The following VANGL2 variants were observed in gnomAD, a reference collection of about 807,000 sequenced individuals.
VANGL2 encodes the protein VANGL planar cell polarity protein 2.
In VANGL2, 14 loss-of-function variants were observed where a neutral mutation model predicts 50.2. The observed-to-expected ratio is 0.28, with a 90% CI of 0.18 to 0.44. VANGL2 has a LOEUF of 0.44. VANGL2 is among the 20% of genes least tolerant of loss of function. The pLI, the probability that VANGL2 is intolerant of heterozygous loss-of-function variation, is 1.00. For missense variants in VANGL2, 533 were observed against 701.5 expected, an observed-to-expected ratio of 0.76 and a Z score of 2.71; for synonymous variants, 295 against 297.2, an observed-to-expected ratio of 0.99 and a Z score of 0.08.
chr1:160,406,599 CT>C (rs1163136504), intron 1 of VANGL2, among the ~76,000 whole-genome samples: 1 of 152,088 alleles, frequency 6.6e-6, no homozygotes, highest in Non-Finnish European at 1.5e-5. Context: ...GAGCCTGGTC[CT>C]TATTGTCTGT....
At chr1:160,406,645 G>A (rs2101947276) in intron 1 of VANGL2, among the ~76,000 whole-genome samples, 1 of 152,180 alleles carries the variant, frequency 6.6e-6, no homozygotes, top group South Asian at 2.1e-4. Context: ...ATGTCCTTCA[G>A]ACTCCTGTTT....
At chr1:160,415,132 T>C (rs1452072115) in intron 1 of VANGL2, among the ~76,000 whole-genome samples, 1 of 151,990 alleles carries the variant, frequency 6.6e-6, no homozygotes, top group African/African-American at 2.4e-5. Flanking sequence ...GCTGGGGAGA[T>C]GGTATCAAGG....
At chr1:160,415,982 G>A (rs1029735497) in intron 2 of VANGL2, 74 bp downstream of exon 2, 2 of 1,614,162 alleles carry the variant, frequency 1.2e-6, no homozygotes, top group Non-Finnish European at 1.7e-6. Context: ...CACGTGCAGG[G>A]GTGGTAGGGT....
At position 160,415,950 on chromosome 1, in the gene VANGL2, T is replaced by C. The variant is rs779377896; in HGVS notation, c.71+42T>C. 5 of 1,612,938 alleles carry C rather than the reference T, an allele frequency of 3.1e-6. No individual in the cohort carries two copies. The South Asian group carries it at 5.5e-5, about 18-fold the overall frequency. Reference sequence around the variant, plus strand: ...GGTGACATGCGTGGCGGAGGGAGGGTTGGGGGCTGTTAAGAGGTGGGCACG... The same window carrying C: ...GGTGACATGCGTGGCGGAGGGAGGGCTGGGGGCTGTTAAGAGGTGGGCACG... On this transcript the variant is annotated intron_variant, in intron 2 of 7. Coordinates refer to ENST00000368061, the MANE Select transcript of VANGL2 (RefSeq NM_020335.3).
At chr1:160,416,217 A>T in intron 3 of VANGL2, 35 bp downstream of exon 3, 1 of 1,613,384 alleles carries the variant, frequency 6.2e-7, no homozygotes, top group Non-Finnish European at 8.5e-7. Context: ...CAGACCGGGC[A>T]TTTTCAGACT....
At position 160,425,429 on chromosome 1, in the gene VANGL2, G is replaced by A; in HGVS notation, c.*51G>A. The A allele has an allele frequency of 3.6e-6, 4 of 1,121,436 alleles. No individual in the cohort carries two copies. The highest frequency in any genetic ancestry group is 1.7e-5 in the South Asian group (1 of 59,488). 69.5% of individuals were successfully genotyped at this position (1,121,436 alleles called of 1,614,324 possible). On this transcript the variant is annotated 3_prime_UTR_variant, in exon 8 of 8. Transcript: ENST00000368061. ...AACTCTGGGGGGTCCTGAGGGGGTG[G>A]GAGGGGGCTTGGTTCTCAGGCCCAG...
At position 160,403,252 on chromosome 1, in the gene VANGL2, C is replaced by T. The variant is rs773431189; in HGVS notation, c.-191+2383C>T. ...TGCATCTAAGATGGTGTGCCCTGGC[C>T]CTCTGGGGTCCCTTGTTTGCTCTGT... is the stretch of plus-strand genomic sequence containing the variant. On this transcript the variant is annotated intron_variant, in intron 1 of 7. Transcript: ENST00000368061. Among the ~76,000 whole-genome samples the T allele has an allele frequency of 2.5e-4, 38 of 151,964 alleles. 1 individual carries two copies. Among genetic ancestry groups the T allele is most frequent in the Admixed American group, 4.6e-4 (7 of 15,268 alleles).
Position 160,415,734 on chromosome 1 carries a change from C to T in VANGL2, c.-104C>T, listed in dbSNP as rs1369349904. ...GTGACAGTTGACTTCCTGAAGGTGCCTCTTGGCCTAAAGAAGCCGGTGCTG... is the reference window on the plus strand; with the variant it reads ...GTGACAGTTGACTTCCTGAAGGTGCTTCTTGGCCTAAAGAAGCCGGTGCTG... On this transcript the variant is annotated 5_prime_UTR_variant, in exon 2 of 8. Coordinates refer to ENST00000368061, the MANE Select transcript of VANGL2 (RefSeq NM_020335.3). 4 of 1,355,412 alleles carry T rather than the reference C, an allele frequency of 3.0e-6. No individual in the cohort carries two copies. The highest frequency in any genetic ancestry group is 1.4e-5 in the African/African-American group (1 of 69,630). 84.0% of individuals were successfully genotyped at this position (1,355,412 alleles called of 1,614,324 possible).
intron 1 of VANGL2, among the ~76,000 whole-genome samples, chr1:160,414,865 A>AGG (rs1407193858): frequency 6.6e-6 from 1 of 151,916 alleles, no homozygotes; most frequent in Admixed American, 6.6e-5. Context: ...GGTTAGAGAG[A>AGG]GGAGAGGTCA....
At chr1:160,410,704 GCA>G (rs1431997484) in intron 1 of VANGL2, among the ~76,000 whole-genome samples, 2 of 148,868 alleles carry the variant, frequency 1.3e-5, no homozygotes. Context: ...ACACACGCAC[GCA>G]CGCACGCACT....
At chr1:160,408,152 G>A (rs1237532894) in intron 1 of VANGL2, among the ~76,000 whole-genome samples, 1 of 151,972 alleles carries the variant, frequency 6.6e-6, no homozygotes, top group African/African-American at 2.4e-5. Flanking sequence ...GGTACCTTCT[G>A]GGAGCTGGGA....
At chr1:160,405,309 C>T (rs576774670) in intron 1 of VANGL2, among the ~76,000 whole-genome samples, 8 of 152,132 alleles carry the variant, frequency 5.3e-5, no homozygotes, top group African/African-American at 1.4e-4. Flanking sequence ...TACCCTACGG[C>T]GGCCCTCCCC....
rs1371011169 is a variant in VANGL2 at position 160,419,802 on chromosome 1, C to T, written c.800+193C>T. Among the ~76,000 whole-genome samples the T allele has an allele frequency of 8.7e-5, 13 of 148,612 alleles. No homozygotes were observed. Among genetic ancestry groups the T allele is most frequent in the South Asian group, 2.1e-4 (1 of 4,750 alleles). ...TGCTTGATAGGCAGGTTCATGTACACGGTCTTGGGGCAAGATCAGTTGGGA... is the reference window on the plus strand; with the variant it reads ...TGCTTGATAGGCAGGTTCATGTACATGGTCTTGGGGCAAGATCAGTTGGGA... On this transcript the variant is annotated intron_variant, in intron 4 of 7. Coordinates refer to ENST00000368061, the MANE Select transcript of VANGL2 (RefSeq NM_020335.3). The surrounding 1 kb of genome is among the most constrained non-coding windows in gnomAD (Gnocchi z 5.8).
intron 2 of VANGL2, 69 bp downstream of exon 2, chr1:160,415,977 G>C: frequency 6.2e-7 from 1 of 1,614,134 alleles, no homozygotes; most frequent in East Asian, 2.2e-5. Context: ...GTGGGCACGT[G>C]CAGGGGTGGT....
Position 160,419,868 on chromosome 1 carries a change from T to C in VANGL2, c.800+259T>C, listed in dbSNP as rs1466985684. On this transcript the variant is annotated intron_variant, in intron 4 of 7. Coordinates refer to ENST00000368061, the MANE Select transcript of VANGL2 (RefSeq NM_020335.3). This position sits in a 1 kb window ranked among gnomAD's most constrained non-coding sequence, Gnocchi z 5.8. ...TGAATAGGCATTTAGAGGTAGGGAA[T>C]ATTAGAGGGGGATGGACCAAAGGGA... Among the ~76,000 whole-genome samples the C allele has an allele frequency of 7.7e-6, 1 of 129,298 alleles. No homozygotes were observed. Among genetic ancestry groups the C allele is most frequent in the East Asian group, 2.6e-4 (1 of 3,852 alleles). 84.8% of individuals were successfully genotyped at this position (129,298 alleles called of 152,430 possible).
At chr1:160,414,029 G>A (rs549829876) in intron 1 of VANGL2, among the ~76,000 whole-genome samples, 19 of 152,132 alleles carry the variant, frequency 1.2e-4, no homozygotes, top group Non-Finnish European at 2.2e-4. Context: ...CTCCCTTCCC[G>A]CTCATTAGGT....
chr1:160,400,993 AGCGAGCGGGGTG>A (rs1471295708), intron 1 of VANGL2, 124 bp downstream of exon 1: 2 of 152,306 alleles, frequency 1.3e-5, no homozygotes, highest in Admixed American at 1.3e-4. Flanking sequence ...CCGACCCCAG[AGCGAGCGGGGTG>A]GCTTATGGGG....
Position 160,425,430 on chromosome 1 carries a change from G to GGC in VANGL2, c.*52_*53insGC. The GGC allele has an allele frequency of 1.2e-6, 1 of 855,288 alleles. No homozygotes were observed. 53.0% of individuals were successfully genotyped at this position (855,288 alleles called of 1,614,324 possible). A position where few individuals can be genotyped will look rare whatever the true frequency, so the allele number is the denominator to read the frequency against. The stretch of plus-strand genomic sequence containing the variant: ...ACTCTGGGGGGTCCTGAGGGGGTGG[G>GGC]AGGGGGCTTGGTTCTCAGGCCCAGC... On this transcript the variant is annotated 3_prime_UTR_variant, in exon 8 of 8. Coordinates refer to ENST00000368061, the MANE Select transcript of VANGL2 (RefSeq NM_020335.3).
Position 160,425,469 on chromosome 1 carries a change from C to A in VANGL2, c.*91C>A. The A allele has an allele frequency of 9.7e-7, 1 of 1,026,316 alleles. No individual in the cohort carries two copies. Among genetic ancestry groups the A allele is most frequent in the Non-Finnish European group, 1.4e-6 (1 of 739,026 alleles). 63.6% of individuals were successfully genotyped at this position (1,026,316 alleles called of 1,614,324 possible). A position where few individuals can be genotyped will look rare whatever the true frequency, so the allele number is the denominator to read the frequency against. ...CTCAGGCCCAGCCACATTCCTGCCA[C>A]CCTTCTTCTTCTTGCTCTTTTTTTT... On this transcript the variant is annotated 3_prime_UTR_variant, in exon 8 of 8. Transcript: ENST00000368061.
Sources: gnomAD v4.1 joint callset for allele counts (sites outside exome capture counted in the v4.1 genomes callset) on GRCh38, gnomAD v4.1.1 for gene constraint, Gnocchi (gnomAD v3.1) non-coding constraint, MANE v1.5 for transcripts, NCBI Gene and HGNC (gene_info 2026-07-23, HGNC 2026-07-21) for gene names.